The following FAT4 variants were observed in gnomAD, a reference collection of about 807,000 sequenced individuals.
FAT4 encodes FAT atypical cadherin 4.
In FAT4, 84 loss-of-function variants were observed where a neutral mutation model predicts 303.9. That is an observed-to-expected ratio of 0.28 (90% confidence interval 0.23 to 0.33). FAT4 has a LOEUF of 0.33. Ranked by LOEUF, FAT4 falls within the 10% of genes least tolerant of loss-of-function variation. FAT4 has a pLI of 1.00. For synonymous variants in FAT4, 2,307 were observed against 2,298.8 expected (o/e 1.00, Z -0.10); for missense variants, 6,005 against 6,146.8 (o/e 0.98, Z 0.77).
At chr4:125,394,142 C>T (rs1734078833) in intron 2 of FAT4, 1 of 537,674 alleles carries the variant, frequency 1.9e-6, no homozygotes, top group Non-Finnish European at 3.4e-6. Flanking sequence ...AGTGCCTTAT[C>T]TTAACGGGAT....
Position 125,448,603 on chromosome 4 carries a change from C to G in FAT4, c.7593C>G (p.Asn2531Lys), listed in dbSNP as rs367971071. The G allele has an allele frequency of 8.7e-6, 14 of 1,613,826 alleles. No homozygotes were observed. In the Admixed American group the frequency reaches 2.2e-4, roughly 25 times the overall value. Residue 2531 changes from asparagine (N) to lysine (K), a missense_variant, in exon 10 of 18, where the codon AAC becomes AAG. Transcript: ENST00000394329. ...CCATTATGGCCGCCGGACCACTAAACGGAGCTTCAGAAGTGACATTTTCTG... is the reference window on the plus strand; with the variant it reads ...CCATTATGGCCGCCGGACCACTAAAGGGAGCTTCAGAAGTGACATTTTCTG... ...RGAIMAAGPL[N>K]GASEVTFSVH... is the part of the protein sequence containing the mutation.
intron 2 of FAT4, among the ~76,000 whole-genome samples, chr4:125,342,322 T>C (rs1376832053): frequency 6.6e-6 from 1 of 152,018 alleles, no homozygotes; most frequent in Non-Finnish European, 1.5e-5. Flanking sequence ...ATAAACATTT[T>C]TGAAAGTAAA....
chr4:125,375,011 C>G (rs554718076), intron 2 of FAT4, among the ~76,000 whole-genome samples: 7 of 152,262 alleles, frequency 4.6e-5, no homozygotes, highest in African/African-American at 1.4e-4. Flanking sequence ...TTAGGTGTTA[C>G]TTAAATTCAT....
intron 3 of FAT4, among the ~76,000 whole-genome samples, chr4:125,403,157 AG>A (rs1560800806): frequency 1.3e-5 from 2 of 152,092 alleles, no homozygotes; most frequent in African/African-American, 4.8e-5. Flanking sequence ...CTATCTGTCA[AG>A]GGTTGTTCTA....
intron 17 of FAT4, among the ~76,000 whole-genome samples, chr4:125,488,090 A>T (rs534268744): frequency 6.6e-6 from 1 of 152,316 alleles, no homozygotes; most frequent in East Asian, 1.9e-4. Context: ...GAAAAAAGAG[A>T]AAGGAAGGGG....
rs77623169 is a variant in FAT4 at position 125,410,070 on chromosome 4, C to T, written c.5920+1276C>T. Among the ~76,000 whole-genome samples the T allele has an allele frequency of 5.9e-3, 892 of 151,994 alleles. 40 individuals are homozygous for T. In the East Asian group the frequency reaches 0.084, roughly 14 times the overall value. The stretch of plus-strand genomic sequence containing the variant: ...TAGTGTCTATAAATGGCACTTGGAA[C>T]GATATGAGAAGCAAAAAGGACAGTA... On this transcript the variant is annotated intron_variant, in intron 5 of 17. Coordinates refer to ENST00000394329, the MANE Select transcript of FAT4 (RefSeq NM_001291303.3).
chr4:125,432,828 T>G, intron 7 of FAT4, among the ~76,000 whole-genome samples: 1 of 152,226 alleles, frequency 6.6e-6, no homozygotes, highest in South Asian at 2.1e-4. Context: ...GATATATATA[T>G]ATATATGGCA....
chr4:125,430,820 G>A (rs765576629), intron 7 of FAT4, among the ~76,000 whole-genome samples: 1 of 152,172 alleles, frequency 6.6e-6, no homozygotes, highest in Non-Finnish European at 1.5e-5. Context: ...AGGATCATCT[G>A]CCAGTCTTGA....
Position 125,468,484 on chromosome 4 carries a change from G to A in FAT4, c.11906-28G>A, listed in dbSNP as rs781507794. 3 of 1,393,362 alleles carry A rather than the reference G, an allele frequency of 2.2e-6. No homozygotes were observed. The Admixed American group carries it at 7.8e-5, about 36-fold the overall frequency. 86.3% of individuals were successfully genotyped at this position (1,393,362 alleles called of 1,614,324 possible). ...TAATAAAATTTTCATGAAATTTTAT[G>A]CCAGTTTGTCAATTTTCCCTCCAAC... is the stretch of plus-strand genomic sequence containing the variant. On this transcript the variant is annotated intron_variant, in intron 11 of 17. Coordinates refer to ENST00000394329, the MANE Select transcript of FAT4 (RefSeq NM_001291303.3).
chr4:125,482,530 A>T (rs149478778), intron 16 of FAT4, among the ~76,000 whole-genome samples: 62 of 152,108 alleles, frequency 4.1e-4, no homozygotes, highest in Admixed American at 8.5e-4. Flanking sequence ...CAGTTTCTTT[A>T]GTTTAGTTAT....
chr4:125,378,978 A>G (rs1054636629), intron 2 of FAT4, among the ~76,000 whole-genome samples: 8 of 151,782 alleles, frequency 5.3e-5, no homozygotes, highest in Admixed American at 3.3e-4. Context: ...TGGAGAGTTC[A>G]TTCTATAAAA....
chr4:125,463,704 T>A (rs1210810585), intron 11 of FAT4, 37 bp downstream of exon 11: 1 of 1,391,298 alleles, frequency 7.2e-7, no homozygotes, highest in African/African-American at 1.4e-5. Context: ...AAATATAAGT[T>A]TATTTTTGCA....
intron 9 of FAT4, among the ~76,000 whole-genome samples, chr4:125,447,116 C>A (rs1405832803): frequency 3.3e-5 from 5 of 152,034 alleles, no homozygotes; most frequent in Non-Finnish European, 2.9e-5. Context: ...ATTTATGAAT[C>A]ATTTTCATAT....
chr4:125,376,760 G>A (rs1036105829), intron 2 of FAT4, among the ~76,000 whole-genome samples: 5 of 151,986 alleles, frequency 3.3e-5, no homozygotes, highest in Admixed American at 6.6e-5. Flanking sequence ...TTAGTGGGGC[G>A]TGGTGGCGCA....
intron 2 of FAT4, among the ~76,000 whole-genome samples, chr4:125,352,497 C>T (rs542259688): frequency 6.6e-6 from 1 of 151,856 alleles, no homozygotes; most frequent in African/African-American, 2.4e-5. Flanking sequence ...CACTAGCATG[C>T]AGGCCACCAA....
At chr4:125,362,056 C>A (rs1267063439) in intron 2 of FAT4, among the ~76,000 whole-genome samples, 1 of 152,098 alleles carries the variant, frequency 6.6e-6, no homozygotes, top group African/African-American at 2.4e-5. Flanking sequence ...TTTGCTTATA[C>A]TCAATTGCCA....
At chr4:125,372,338 G>T in intron 2 of FAT4, among the ~76,000 whole-genome samples, 1 of 147,284 alleles carries the variant, frequency 6.8e-6, no homozygotes, top group Admixed American at 6.9e-5. Flanking sequence ...CTCCAGCCTG[G>T]ATGGCATAGA....
Position 125,487,466 on chromosome 4 carries a change from G to A in FAT4, c.12944G>A (p.Gly4315Glu). The A allele has an allele frequency of 6.2e-7, 1 of 1,614,052 alleles. No individual in the cohort carries two copies. The highest frequency in any genetic ancestry group is 8.5e-7 in the Non-Finnish European group (1 of 1,179,958). ...HWHTFLIGKNGTATVLSVDRI... is the reference protein window; with the variant it reads ...HWHTFLIGKNETATVLSVDRI... ...CACACTTTTCTAATTGGGAAAAATG[G>A]AACAGCAACAGTATTGTCTGTTGAC... The change falls in exon 17 of 18, where the codon GGA becomes GAA. Residue 4315 changes from glycine to glutamate, a missense_variant. Physicochemically the swap from Gly to Glu is moderately conservative, Grantham distance 98 (BLOSUM62 -2). Transcript: ENST00000394329.
chr4:125,434,471 C>A (rs868141711), intron 8 of FAT4, 46 bp downstream of exon 8: 1 of 1,555,552 alleles, frequency 6.4e-7, no homozygotes, highest in Non-Finnish European at 8.9e-7. Context: ...TCTCATTAAA[C>A]ATTAGTTTTT....
Sources: allele counts gnomAD v4.1 joint callset (sites outside exome capture counted in the v4.1 genomes callset), GRCh38; gene constraint gnomAD v4.1.1; transcripts MANE v1.5; gene names NCBI Gene and HGNC (gene_info 2026-07-23, HGNC 2026-07-21).